PITPNM3: variants seen among roughly 807,000 people sequenced by gnomAD.
PITPNM3 encodes PITPNM family member 3.
A neutral mutation model predicts 102.0 loss-of-function variants in PITPNM3; 26 were observed. The observed-to-expected ratio is 0.25, with a 90% CI of 0.19 to 0.35. The LOEUF (loss-of-function observed/expected upper bound fraction) is 0.35, where lower values mean the gene tolerates loss of function less well. Among genes scored for constraint, PITPNM3 ranks in the 10% least tolerant of loss-of-function variants. PITPNM3 has a pLI of 1.00. For missense variants in PITPNM3, 1,083 were observed against 1,346.1 expected, an observed-to-expected ratio of 0.80 and a Z score of 3.06; for synonymous variants, 578 against 558.6, an observed-to-expected ratio of 1.03 and a Z score of -0.49.
intron 4 of PITPNM3, among the ~76,000 whole-genome samples, chr17:6,503,110 G>T (rs1046708317): frequency 1.3e-5 from 2 of 152,188 alleles, no homozygotes; most frequent in Admixed American, 1.3e-4. Flanking sequence ...ACCGTCAGTG[G>T]TTCCTGGAAG....
At chr17:6,538,540 T>A (rs1166977394) in intron 1 of PITPNM3, among the ~76,000 whole-genome samples, 1 of 152,162 alleles carries the variant, frequency 6.6e-6, no homozygotes, top group Non-Finnish European at 1.5e-5. Context: ...AAAGGAGACA[T>A]CAAGTTCTGG....
At chr17:6,539,284 A>G (rs1909614417) in intron 1 of PITPNM3, among the ~76,000 whole-genome samples, 2 of 152,178 alleles carry the variant, frequency 1.3e-5, no homozygotes. Context: ...GAGAGTTCAG[A>G]TGCACCATAA....
In PITPNM3 at chr17:6,522,760, C is replaced by T. The variant is rs117078374; in HGVS notation, c.226+2596G>A. 1.3e-4 allele frequency among the ~76,000 whole-genome samples: 20 copies of T among 152,252 alleles called. No homozygotes were observed. The East Asian group carries it at 2.7e-3, about 21-fold the overall frequency. ...TGCATTCCTTTCCAGGAAGAGTTCA[C>T]GGATCTTCCTTTCCCCAAGATACTT... On this transcript the variant is annotated intron_variant, in intron 3 of 19. Coordinates refer to ENST00000262483, the MANE Select transcript of PITPNM3 (RefSeq NM_031220.4).
chr17:6,478,445 C>T lies in PITPNM3; in HGVS notation c.777+102G>A, dbSNP rs901618291. 3.3e-5 allele frequency: 48 copies of T among 1,438,956 alleles called. No homozygotes were observed. In the Middle Eastern group the frequency reaches 7.4e-4, roughly 22 times the overall value. The allele number at this position is 1,438,956 out of a possible 1,614,324, so 89.1% of individuals were successfully genotyped here. Reference sequence around the variant, plus strand: ...CCACCTTTGGGCTCAGAGGCTGATTCGAGAACAGCCTGGCCTTGGCCCTTT... The same window carrying T: ...CCACCTTTGGGCTCAGAGGCTGATTTGAGAACAGCCTGGCCTTGGCCCTTT... On this transcript the variant is annotated intron_variant, in intron 7 of 19. Coordinates refer to ENST00000262483, the MANE Select transcript of PITPNM3 (RefSeq NM_031220.4). This position sits in a 1 kb window ranked among gnomAD's most constrained non-coding sequence, Gnocchi z 4.4.
At position 6,537,256 on chromosome 17, in the gene PITPNM3, C is replaced by CTTTTTTTTTTT. The variant is rs201959934; in HGVS notation, c.118+720_118+730dup. Reference sequence around the variant, plus strand: ...TATGAGGCTCATTTATTTTTTCTTTCTTTTTTTTTTTTTTTTTTCTGAGAC... The same window carrying CTTTTTTTTTTT: ...TATGAGGCTCATTTATTTTTTCTTTCTTTTTTTTTTTTTTTTTTTTTTTTTTTTTCTGAGAC... On this transcript the variant is annotated intron_variant, in intron 2 of 19. Coordinates refer to ENST00000262483, the MANE Select transcript of PITPNM3 (RefSeq NM_031220.4). This position sits in a 1 kb window ranked among gnomAD's most constrained non-coding sequence, Gnocchi z 4.4. Among the ~76,000 whole-genome samples the CTTTTTTTTTTT allele has an allele frequency of 1.6e-5, 2 of 128,282 alleles. No homozygotes were observed. The highest frequency in any genetic ancestry group is 3.2e-5 in the Non-Finnish European group (2 of 62,320). 84.2% of individuals were successfully genotyped at this position (128,282 alleles called of 152,430 possible).
intron 4 of PITPNM3, among the ~76,000 whole-genome samples, chr17:6,501,918 G>A (rs1006495209): frequency 1.3e-5 from 2 of 152,170 alleles, no homozygotes; most frequent in African/African-American, 2.4e-5. Context: ...CACATGCTCA[G>A]TCACCTCTAC....
intron 4 of PITPNM3, among the ~76,000 whole-genome samples, chr17:6,489,787 C>T (rs1249363953): frequency 2.6e-5 from 4 of 152,220 alleles, no homozygotes; most frequent in African/African-American, 4.8e-5. Context: ...AGGCAGATCA[C>T]GAGGTCAGGA....
rs1443252479 is a variant in PITPNM3, at chr17:6,478,531, G to A, written c.777+16C>T. 7 of 1,613,666 alleles carry A rather than the reference G, an allele frequency of 4.3e-6. No homozygotes were observed. The South Asian group carries it at 7.7e-5, about 18-fold the overall frequency. Reference sequence around the variant, plus strand: ...GAACAGGGGAGGGGAGAGGAGGAGAGGGCAGGCTGTCCTACCTGCCCACTG... The same window carrying A: ...GAACAGGGGAGGGGAGAGGAGGAGAAGGCAGGCTGTCCTACCTGCCCACTG... On this transcript the variant is annotated intron_variant, in intron 7 of 19. Coordinates refer to ENST00000262483, the MANE Select transcript of PITPNM3 (RefSeq NM_031220.4). The surrounding 1 kb of genome is among the most constrained non-coding windows in gnomAD (Gnocchi z 4.4).
In PITPNM3 at chr17:6,464,683, A is replaced by C; in HGVS notation, c.1979T>G (p.Leu660Arg). The C allele has an allele frequency of 1.2e-6, 2 of 1,614,044 alleles. No homozygotes were observed. The highest frequency in any genetic ancestry group is 1.7e-6 in the Non-Finnish European group (2 of 1,179,974). The change falls in exon 15 of 20, where the codon CTC becomes CGC. Residue 660 changes from leucine (L) to arginine (R), a missense_variant. Physicochemically the swap from Leu to Arg is moderately radical, Grantham distance 102 (BLOSUM62 -2). This residue lies in a region of PITPNM3 where 410 missense variants were observed against 638.4 expected (regional missense o/e 0.64). Transcript: ENST00000262483. ...VLVGRFMYGP[L>R]DMVALTGEKV... The stretch of plus-strand genomic sequence containing the variant: ...CTCTCCAGTCAGAGCCACCATGTCG[A>C]GGGGCCCGTACATGAACCGCCCCAC...
intron 1 of PITPNM3, among the ~76,000 whole-genome samples, chr17:6,538,831 G>C (rs115011830): frequency 1.3e-5 from 2 of 152,246 alleles, no homozygotes; most frequent in Non-Finnish European, 2.9e-5. Flanking sequence ...AGCATGGGGC[G>C]GGGGGTGGAC....
intron 1 of PITPNM3, among the ~76,000 whole-genome samples, chr17:6,547,046 G>A (rs897777626): frequency 6.6e-5 from 10 of 152,106 alleles, no homozygotes; most frequent in Admixed American, 2.0e-4. Context: ...CATTGCATCC[G>A]GTTGCCTGGG....
At chr17:6,513,160 T>C (rs77578808) in intron 3 of PITPNM3, among the ~76,000 whole-genome samples, 5,440 of 151,732 alleles carry the variant, frequency 0.036, 128 homozygotes, top group South Asian at 0.098. Flanking sequence ...CTTCATCAAC[T>C]AGATGAAGGA....
In PITPNM3 at chr17:6,496,842, G is replaced by A. The variant is rs539307270; in HGVS notation, c.274+6685C>T. ...GCCCAGATGCTATGTAGATAGACTT[G>A]TATATGCGCACAGAGACGCACACTC... On this transcript the variant is annotated intron_variant, in intron 4 of 19. Transcript: ENST00000262483. Among the ~76,000 whole-genome samples, 42 of 152,228 alleles carry A rather than the reference G, an allele frequency of 2.8e-4. No individual in the cohort carries two copies. In the East Asian group the frequency reaches 7.2e-3, roughly 26 times the overall value.
chr17:6,512,066 G>A (rs901185768), intron 3 of PITPNM3, among the ~76,000 whole-genome samples: 2 of 152,222 alleles, frequency 1.3e-5, no homozygotes, highest in Non-Finnish European at 2.9e-5. Flanking sequence ...CATAGCAGAG[G>A]AGCCAGGTGT....
intron 10 of PITPNM3, among the ~76,000 whole-genome samples, chr17:6,473,933 C>T (rs867537411): frequency 5.5e-5 from 8 of 144,666 alleles, no homozygotes; most frequent in Non-Finnish European, 8.9e-5. Flanking sequence ...GCTGAGATCG[C>T]GCCACTGCAC....
intron 9 of PITPNM3, among the ~76,000 whole-genome samples, chr17:6,476,190 T>C (rs1905292877): frequency 6.6e-6 from 1 of 152,090 alleles, no homozygotes; most frequent in African/African-American, 2.4e-5. Flanking sequence ...CTTAAAAGCA[T>C]GTAGAAGGAA....
Position 6,490,547 on chromosome 17 carries a change from C to T in PITPNM3, c.275-6255G>A, listed in dbSNP as rs971448312. Among the ~76,000 whole-genome samples, 7 of 152,266 alleles carry T rather than the reference C, an allele frequency of 4.6e-5. No individual in the cohort carries two copies. In the East Asian group the frequency reaches 7.7e-4, roughly 17 times the overall value. On this transcript the variant is annotated intron_variant, in intron 4 of 19. Coordinates refer to ENST00000262483, the MANE Select transcript of PITPNM3 (RefSeq NM_031220.4). ...GGAAGAGCAACCAAAAAGCTGCAGG[C>T]GGCAAATTTCACTTTGCTTTTCAAA...
chr17:6,455,282 C>T lies in PITPNM3; in HGVS notation c.*56G>A, dbSNP rs957424475. The T allele has an allele frequency of 1.9e-5, 29 of 1,517,456 alleles. No homozygotes were observed. In the African/African-American group the frequency reaches 2.1e-4, roughly 11 times the overall value. The allele number at this position is 1,517,456 out of a possible 1,614,324, so 94.0% of individuals were successfully genotyped here. ...CGGGGAGAGGGCAGCCCCCTCCCGT[C>T]CCCGCAGGCAGCCTGATTGGGCCCC... is the stretch of plus-strand genomic sequence containing the variant. On this transcript the variant is annotated 3_prime_UTR_variant, in exon 20 of 20. Transcript: ENST00000262483.
At chr17:6,552,245 AG>A (rs1910349937) in intron 1 of PITPNM3, among the ~76,000 whole-genome samples, 1 of 152,130 alleles carries the variant, frequency 6.6e-6, no homozygotes, top group Non-Finnish European at 1.5e-5. Context: ...TTCCTGCCCC[AG>A]CCTGAGAGGT....
Sources: allele counts gnomAD v4.1 joint callset (sites outside exome capture counted in the v4.1 genomes callset), GRCh38; gene constraint gnomAD v4.1.1; regional missense constraint gnomAD v4.1.1; non-coding constraint Gnocchi (gnomAD v3.1); transcripts MANE v1.5; gene names NCBI Gene and HGNC (gene_info 2026-07-23, HGNC 2026-07-21).